The following GPC6 variants were observed in gnomAD, a reference collection of about 807,000 sequenced individuals.
The protein encoded by GPC6 is glypican 6.
A neutral mutation model predicts 55.2 loss-of-function variants in GPC6; 14 were observed. The ratio of observed to expected loss-of-function variants is 0.25; its 90% CI spans 0.17 to 0.40. The LOEUF is 0.40. Among genes scored for constraint, GPC6 ranks in the 10% least tolerant of loss-of-function variants. The pLI is 1.00. For missense variants in GPC6, 641 were observed against 708.5 expected (o/e 0.90, Z 1.08); for synonymous variants, 278 against 259.6 (o/e 1.07, Z -0.68).
chr13:93,248,657 A>C (rs1876686898), intron 1 of GPC6, among the ~76,000 whole-genome samples: 1 of 152,192 alleles, frequency 6.6e-6, no homozygotes, highest in Non-Finnish European at 1.5e-5. Context: ...TGAGCTGCTC[A>C]TTACCTCCCG....
chr13:93,760,189 C>T (rs1466908850), intron 2 of GPC6, among the ~76,000 whole-genome samples: 1 of 152,064 alleles, frequency 6.6e-6, no homozygotes, highest in Non-Finnish European at 1.5e-5. Flanking sequence ...AAGGCTGAGG[C>T]TTAGAAATAT....
In GPC6 at chr13:93,484,127, G is replaced by A. The variant is rs181832050; in HGVS notation, c.161-61136G>A. Among the ~76,000 whole-genome samples, 21 of 151,846 alleles carry A rather than the reference G, an allele frequency of 1.4e-4. No homozygotes were observed. In the East Asian group the frequency reaches 4.1e-3, roughly 29 times the overall value. ...AATGTGGTGCTTATGGATCCAGGGT[G>A]TGTTATCTCCTTCAGCATCTGCCAT... On this transcript the variant is annotated intron_variant, in intron 1 of 8. Coordinates refer to ENST00000377047, the MANE Select transcript of GPC6 (RefSeq NM_005708.5).
Position 93,325,027 on chromosome 13 carries a change from A to G in GPC6, c.160+97411A>G, listed in dbSNP as rs144849631. ...CGAAAAAAGGAATTCATGCACAGCA[A>G]TTGAGCTATTAAAATTTTGTAGGCA... is the stretch of plus-strand genomic sequence containing the variant. On this transcript the variant is annotated intron_variant, in intron 1 of 8. Transcript: ENST00000377047. Among the ~76,000 whole-genome samples the G allele has an allele frequency of 2.0e-5, 3 of 152,316 alleles. No homozygotes were observed. The East Asian group carries it at 5.8e-4, about 29-fold the overall frequency.
At position 93,623,932 on chromosome 13, in the gene GPC6, G is replaced by T. The variant is rs748823478; in HGVS notation, c.319+78511G>T. 1.1e-4 allele frequency among the ~76,000 whole-genome samples: 16 copies of T among 152,004 alleles called. No homozygotes were observed. The East Asian group carries it at 1.5e-3, about 15-fold the overall frequency. On this transcript the variant is annotated intron_variant, in intron 2 of 8. Transcript: ENST00000377047. ...AGGTCTTTTGCCCGTTTTTTAACTG[G>T]AATTTTTTTCTCCCTTGAGTTATTT...
intron 6 of GPC6, among the ~76,000 whole-genome samples, chr13:94,355,024 CTTCT>C (rs780745725): frequency 4.0e-4 from 47 of 116,352 alleles, no homozygotes; most frequent in South Asian, 1.5e-3. Context: ...GCCAGTGGCT[CTTCT>C]TTTTTTTTTT....
At chr13:94,064,832 CATAATT>C (rs1387275514) in intron 4 of GPC6, among the ~76,000 whole-genome samples, 1 of 152,112 alleles carries the variant, frequency 6.6e-6, no homozygotes, top group Non-Finnish European at 1.5e-5. Flanking sequence ...TAGACATTGT[CATAATT>C]TATTAATCAT....
intron 6 of GPC6, among the ~76,000 whole-genome samples, chr13:94,309,482 T>TA (rs908963195): frequency 5.9e-5 from 9 of 152,168 alleles, no homozygotes; most frequent in African/African-American, 1.9e-4. Context: ...AACTCTCTCT[T>TA]AAAAAATACA....
At chr13:93,498,923 A>G (rs1028323741) in intron 1 of GPC6, among the ~76,000 whole-genome samples, 4 of 152,196 alleles carry the variant, frequency 2.6e-5, no homozygotes, top group African/African-American at 9.7e-5. Flanking sequence ...TGTTAGCATA[A>G]TAGAATGCAG....
chr13:93,399,600 G>A (rs936423399), intron 1 of GPC6, among the ~76,000 whole-genome samples: 5 of 152,244 alleles, frequency 3.3e-5, no homozygotes, highest in African/African-American at 1.2e-4. Context: ...AAAGAAATGT[G>A]AGTGTGACTC....
At chr13:94,054,132 G>A (rs111876288) in intron 4 of GPC6, among the ~76,000 whole-genome samples, 2 of 152,234 alleles carry the variant, frequency 1.3e-5, no homozygotes, top group East Asian at 3.9e-4. Context: ...AGCTGTTCAG[G>A]TCCTATGATC....
chr13:93,359,490 AAAATTATATATGTATATGT>A, intron 1 of GPC6, among the ~76,000 whole-genome samples: 2 of 152,294 alleles, frequency 1.3e-5, no homozygotes, highest in South Asian at 4.1e-4. Context: ...TTAGAAAAAT[AAAATTATATATGTATATGT>A]GTTTATAATA....
chr13:93,789,509 C>CTCTCTCTA (rs1363454667), intron 2 of GPC6, among the ~76,000 whole-genome samples: 23 of 93,482 alleles, frequency 2.5e-4, no homozygotes, highest in African/African-American at 8.0e-4. Context: ...CTCTCTCTCT[C>CTCTCTCTA]TATATATATA....
intron 2 of GPC6, among the ~76,000 whole-genome samples, chr13:93,559,125 A>G (rs988426072): frequency 6.6e-6 from 1 of 152,176 alleles, no homozygotes; most frequent in Admixed American, 6.5e-5. Flanking sequence ...GAACTGTGTT[A>G]TCACAAAAAT....
chr13:93,597,007 C>CAAAAAAAAAAAAAAAAA (rs10709473), intron 2 of GPC6, among the ~76,000 whole-genome samples: 3 of 68,056 alleles, frequency 4.4e-5, no homozygotes, highest in Non-Finnish European at 1.0e-4. Context: ...TCAAATCTGG[C>CAAAAAAAAAAAAAAAAA]AAAAAAAAAA....
At chr13:94,028,055 A>G (rs1283213213) in intron 4 of GPC6, among the ~76,000 whole-genome samples, 161 bp downstream of exon 4, 1 of 152,132 alleles carries the variant, frequency 6.6e-6, no homozygotes, top group Non-Finnish European at 1.5e-5. Context: ...GCTTGAGCCC[A>G]GGAGTTTGAG....
chr13:93,713,826 A>G (rs982754316), intron 2 of GPC6, among the ~76,000 whole-genome samples: 7 of 151,738 alleles, frequency 4.6e-5, no homozygotes, highest in South Asian at 4.1e-4. Context: ...CGAAGGTGGT[A>G]TCTCAGGCTA....
intron 4 of GPC6, among the ~76,000 whole-genome samples, chr13:94,133,488 T>C (rs147041021): frequency 2.1e-4 from 32 of 152,240 alleles, no homozygotes; most frequent in African/African-American, 7.5e-4. Context: ...ATACAAGATA[T>C]CTTGGCAGAA....
At chr13:94,126,602 G>A (rs1886824955) in intron 4 of GPC6, among the ~76,000 whole-genome samples, 1 of 152,034 alleles carries the variant, frequency 6.6e-6, no homozygotes, top group South Asian at 2.1e-4. Context: ...TGCATCCTAG[G>A]CATTTAATGT....
chr13:94,249,936 T>C (rs150252880), intron 4 of GPC6, among the ~76,000 whole-genome samples: 18 of 152,160 alleles, frequency 1.2e-4, no homozygotes, highest in African/African-American at 3.6e-4. Context: ...TCGAGATGTC[T>C]GCCATGCGGA....
Sources: allele counts gnomAD v4.1 joint callset (sites outside exome capture counted in the v4.1 genomes callset), GRCh38; gene constraint gnomAD v4.1.1; transcripts MANE v1.5; gene names NCBI Gene and HGNC (gene_info 2026-07-23, HGNC 2026-07-21).